Variants in ZNF722 observed in about 807,000 individuals in gnomAD.
ZNF722 encodes the protein zinc finger protein 722, also known as zinc finger protein 479 pseudogene.
the ZNF722 span, chr7:64,015,351 A>C: frequency 2.1e-6 from 3 of 1,436,780 alleles, no homozygotes; most frequent in Non-Finnish European, 2.9e-6. Flanking sequence ...ATCGTTTTGC[A>C]TGCCTTCACA....
the ZNF722 span, among the ~76,000 whole-genome samples, chr7:64,016,464 T>C: frequency 6.6e-6 from 1 of 152,272 alleles, no homozygotes; most frequent in African/African-American, 2.4e-5. Flanking sequence ...AAAAAACCTT[T>C]AAGCACATCT....
the ZNF722 span, among the ~76,000 whole-genome samples, chr7:64,002,698 T>C: frequency 6.6e-6 from 1 of 152,350 alleles, no homozygotes; most frequent in East Asian, 1.9e-4. Context: ...CAGCACAGTG[T>C]TCTGTGACAT....
At chr7:64,017,837 T>C in the ZNF722 span, among the ~76,000 whole-genome samples, 12 of 152,314 alleles carry the variant, frequency 7.9e-5, no homozygotes, top group Middle Eastern at 3.4e-3. Flanking sequence ...TGGAGATTTA[T>C]AATTACATTC....
At chr7:64,004,175 C>T in the ZNF722 span, among the ~76,000 whole-genome samples, 4 of 150,214 alleles carry the variant, frequency 2.7e-5, no homozygotes, top group Admixed American at 6.7e-5. Flanking sequence ...CCAAGGCAGG[C>T]GGATCATGTG....
the ZNF722 span, chr7:64,005,599 T>G: frequency 9.5e-7 from 1 of 1,055,894 alleles, no homozygotes; most frequent in Admixed American, 1.9e-5. Flanking sequence ...GTTTTTGTTT[T>G]TGTTTTTTTC....
At chr7:64,014,337 AT>A in the ZNF722 span, among the ~76,000 whole-genome samples, 4 of 151,772 alleles carry the variant, frequency 2.6e-5, no homozygotes, top group Non-Finnish European at 5.9e-5. Context: ...ATACATCTTT[AT>A]TTTTATAGTT....
the ZNF722 span, among the ~76,000 whole-genome samples, chr7:64,007,265 A>G: frequency 2.4e-5 from 3 of 125,714 alleles, no homozygotes; most frequent in Middle Eastern, 8.7e-3. Context: ...TTTATACTTT[A>G]AGTTCTAGGG....
the ZNF722 span, among the ~76,000 whole-genome samples, chr7:64,000,016 A>G: frequency 6.6e-6 from 1 of 151,836 alleles, no homozygotes; most frequent in African/African-American, 2.4e-5. Context: ...CATTTGAGTT[A>G]GATTTTTTTT....
the ZNF722 span, among the ~76,000 whole-genome samples, chr7:64,013,314 TATATATGCCTATACATA>T: frequency 6.6e-6 from 1 of 152,166 alleles, no homozygotes; most frequent in Admixed American, 6.6e-5. Context: ...GCCGTGATGT[TATATATGCCTATACATA>T]TAGATAGACA....
At chr7:64,004,396 G>T in the ZNF722 span, among the ~76,000 whole-genome samples, 1 of 110,506 alleles carries the variant, frequency 9.0e-6, no homozygotes, top group African/African-American at 4.0e-5. Flanking sequence ...GTGACAGAGC[G>T]AGACTCTGTC....
chr7:64,005,583 T>TTTTTTG, the ZNF722 span: 5 of 925,238 alleles, frequency 5.4e-6, no homozygotes, highest in Non-Finnish European at 3.5e-6. Context: ...TTCATGAGTG[T>TTTTTTG]TTTTTGTTTT....
the ZNF722 span, among the ~76,000 whole-genome samples, chr7:64,011,477 G>T: frequency 6.6e-6 from 1 of 152,152 alleles, no homozygotes; most frequent in Non-Finnish European, 1.5e-5. Context: ...TTGCTTGTCT[G>T]TAAAGTATTT....
the ZNF722 span, among the ~76,000 whole-genome samples, chr7:64,005,929 T>C: frequency 6.6e-6 from 1 of 152,196 alleles, no homozygotes; most frequent in Admixed American, 6.5e-5. Context: ...TTTCCTGAGC[T>C]TATGTATCTT....
the ZNF722 span, chr7:64,015,602 G>A: frequency 4.3e-6 from 7 of 1,612,442 alleles, no homozygotes; most frequent in African/African-American, 8.1e-5. Flanking sequence ...AAGCTTTTAG[G>A]CGCTCCTCAA....
At chr7:64,012,930 T>C in the ZNF722 span, among the ~76,000 whole-genome samples, 1 of 152,270 alleles carries the variant, frequency 6.6e-6, no homozygotes, top group South Asian at 2.1e-4. Flanking sequence ...AGGAACTTGG[T>C]TCCTCCACCT....
the ZNF722 span, among the ~76,000 whole-genome samples, chr7:64,004,430 A>ATATATATGTG: frequency 3.0e-5 from 3 of 99,158 alleles, no homozygotes; most frequent in Admixed American, 1.1e-4. Context: ...AAAAAAATAT[A>ATATATATGTG]TATATATATA....
At chr7:64,012,063 C>T in the ZNF722 span, among the ~76,000 whole-genome samples, 30 of 152,194 alleles carry the variant, frequency 2.0e-4, no homozygotes, top group African/African-American at 7.0e-4. Context: ...TTGATTGAAT[C>T]GGCTACTGAA....
the ZNF722 span, among the ~76,000 whole-genome samples, chr7:64,008,720 A>G: frequency 6.6e-6 from 1 of 152,092 alleles, no homozygotes; most frequent in Non-Finnish European, 1.5e-5. Flanking sequence ...TTGTCTTGGC[A>G]ATGTGGGCTC....
chr7:64,004,425 A>AAAATATATATATATATATAT, the ZNF722 span, among the ~76,000 whole-genome samples: 3 of 61,116 alleles, frequency 4.9e-5, no homozygotes, highest in African/African-American at 2.4e-4. Flanking sequence ...AAAAAAAAAA[A>AAAATATATATATATATATAT]ATATATATAT....
Sources: allele counts gnomAD v4.1 joint callset (sites outside exome capture counted in the v4.1 genomes callset), GRCh38; gene constraint gnomAD v4.1.1; transcripts MANE v1.5; gene names NCBI Gene and HGNC (gene_info 2026-07-23, HGNC 2026-07-21).